Variants in ARID1B observed in about 807,000 individuals in gnomAD.
The protein encoded by ARID1B is AT-rich interactive domain-containing protein 1B.
Under a neutral mutation model 212.3 loss-of-function variants are expected in ARID1B, and 30 were observed. The ratio of observed to expected loss-of-function variants is 0.14; its 90% CI spans 0.11 to 0.19. The LOEUF (loss-of-function observed/expected upper bound fraction) is 0.19, where lower values mean the gene tolerates loss of function less well. Among genes scored for constraint, ARID1B ranks in the 10% least tolerant of loss-of-function variants. The pLI is 1.00. For synonymous variants in ARID1B, 1,402 were observed against 1,301.7 expected, an observed-to-expected ratio of 1.08 and a Z score of -1.66; for missense variants, 2,891 against 3,204.0, an observed-to-expected ratio of 0.90 and a Z score of 2.36.
intron 4 of ARID1B, chr6:157,023,118 TTTAAA>T (rs1333123976): frequency 1.3e-5 from 2 of 152,384 alleles, no homozygotes; most frequent in East Asian, 1.9e-4. Flanking sequence ...CCAGTTACAG[TTTAAA>T]TTAAGTTGAA....
chr6:156,900,977 C>T (rs1340975886), intron 2 of ARID1B, among the ~76,000 whole-genome samples: 4 of 152,194 alleles, frequency 2.6e-5, no homozygotes. Context: ...CACAGGCCTT[C>T]TGTAAAGTAT....
In ARID1B at chr6:156,990,167, C is replaced by T. The variant is rs1001374746; in HGVS notation, c.2247+54591C>T. Among the ~76,000 whole-genome samples the T allele has an allele frequency of 6.5e-4, 89 of 137,968 alleles. No homozygotes were observed. In the East Asian group the frequency reaches 0.016, roughly 24 times the overall value. 90.5% of individuals were successfully genotyped at this position (137,968 alleles called of 152,430 possible). On this transcript the variant is annotated intron_variant, in intron 4 of 19. Coordinates refer to ENST00000636930, the MANE Select transcript of ARID1B (RefSeq NM_001374828.1). ...AATGGACTGGTTACAGAACAGATTT[C>T]CTTAACTTTTTTTTTTTTTTTTTTT...
chr6:156,813,223 C>T (rs1304634506), intron 1 of ARID1B, among the ~76,000 whole-genome samples: 3 of 151,136 alleles, frequency 2.0e-5, no homozygotes, highest in African/African-American at 7.3e-5. Flanking sequence ...CCTGACTCAG[C>T]CTCCCGAGTA....
At chr6:156,855,453 C>T (rs1450580967) in intron 2 of ARID1B, among the ~76,000 whole-genome samples, 4 of 152,216 alleles carry the variant, frequency 2.6e-5, no homozygotes, top group Non-Finnish European at 4.4e-5. Flanking sequence ...ACTGCAGGCC[C>T]GTCCACTTTG....
rs558317363 is a variant in ARID1B, at chr6:156,850,473, CATAA to C, written c.1986+21053_1986+21056del. 5.3e-5 allele frequency among the ~76,000 whole-genome samples: 8 copies of C among 152,140 alleles called. No homozygotes were observed. The East Asian group carries it at 1.5e-3, about 29-fold the overall frequency. ...TTTGTAGGCTATGCCACTTTTAAGA[CATAA>C]GTGCCTAAAAGGATGAAAAGTAATA... On this transcript the variant is annotated intron_variant, in intron 2 of 19. Coordinates refer to ENST00000636930, the MANE Select transcript of ARID1B (RefSeq NM_001374828.1).
chr6:156,817,367 G>C (rs947321589), intron 1 of ARID1B, among the ~76,000 whole-genome samples: 1 of 151,918 alleles, frequency 6.6e-6, no homozygotes, highest in African/African-American at 2.4e-5. Flanking sequence ...CTGATGTTGT[G>C]ACTCACACCC....
chr6:156,889,157 C>T (rs1033264368), intron 2 of ARID1B, among the ~76,000 whole-genome samples: 7 of 152,166 alleles, frequency 4.6e-5, no homozygotes, highest in Admixed American at 6.5e-5. Context: ...TCTTAGGCAA[C>T]CCTCCTACCA....
intron 8 of ARID1B, 54 bp from the exon 9 acceptor site, chr6:157,166,986 C>A (rs2128289842): frequency 6.3e-7 from 1 of 1,585,534 alleles, no homozygotes; most frequent in South Asian, 1.1e-5. Flanking sequence ...CCAGGGCAAA[C>A]CACTGCTAAT....
intron 4 of ARID1B, among the ~76,000 whole-genome samples, chr6:157,015,222 G>A (rs1202852312): frequency 1.3e-5 from 2 of 152,216 alleles, no homozygotes; most frequent in East Asian, 3.8e-4. Context: ...TCTGATTGGA[G>A]CAATACAAGG....
chr6:157,151,726 T>TTGGTAGTTAG (rs1382198335), intron 8 of ARID1B: 1 of 152,254 alleles, frequency 6.6e-6, no homozygotes, highest in Non-Finnish European at 1.5e-5. Context: ...TTAATCATGT[T>TTGGTAGTTAG]TGGTAGTTAG....
chr6:156,781,657 A>G (rs975319020), intron 1 of ARID1B, among the ~76,000 whole-genome samples: 15 of 152,076 alleles, frequency 9.9e-5, no homozygotes, highest in African/African-American at 3.6e-4. Context: ...TTTTAAGGAT[A>G]ATAGATTTTT....
At chr6:156,793,354 T>C (rs1415201280) in intron 1 of ARID1B, among the ~76,000 whole-genome samples, 2 of 152,110 alleles carry the variant, frequency 1.3e-5, no homozygotes, top group Non-Finnish European at 1.5e-5. Context: ...GGATTTTTTT[T>C]CCTTTTCTTT....
intron 1 of ARID1B, among the ~76,000 whole-genome samples, chr6:156,785,414 A>G (rs1271289185): frequency 1.3e-5 from 2 of 152,252 alleles, no homozygotes; most frequent in Non-Finnish European, 2.9e-5. Flanking sequence ...ATTCCTTATC[A>G]GGTGACTCTG....
intron 1 of ARID1B, among the ~76,000 whole-genome samples, chr6:156,802,702 T>G (rs746075412): frequency 6.6e-6 from 1 of 152,236 alleles, no homozygotes; most frequent in Non-Finnish European, 1.5e-5. Flanking sequence ...CCAAAACAGA[T>G]GTGCCATACA....
intron 2 of ARID1B, among the ~76,000 whole-genome samples, chr6:156,845,613 G>A (rs1441701610): frequency 6.6e-6 from 1 of 152,008 alleles, no homozygotes; most frequent in African/African-American, 2.4e-5. Context: ...CCCTTCTTTG[G>A]TATGTCACTG....
intron 5 of ARID1B, among the ~76,000 whole-genome samples, chr6:157,087,158 C>T (rs915013452): frequency 3.3e-5 from 5 of 152,272 alleles, no homozygotes; most frequent in Admixed American, 1.3e-4. Context: ...GCAAAAGCTC[C>T]ACCTTTTTTT....
In ARID1B at chr6:156,778,178, GCACCACCACCACCACCATGCCCACCAC is replaced by G. The variant is rs1234893556; in HGVS notation, c.510_536del (p.His171_His179del). 7.8e-6 allele frequency: 12 copies of G among 1,540,204 alleles called. No individual in the cohort carries two copies. Among genetic ancestry groups the G allele is most frequent in the Non-Finnish European group, 1.0e-5 (12 of 1,145,842 alleles). On this transcript the variant is annotated inframe_deletion, in exon 1 of 20. Transcript: ENST00000636930. ...CCCCCGCCGCGCCGCCCCACCAGCA[GCACCACCACCACCACCATGCCCACCAC>G]CACCACCACCATGCCCACCACCTCC...
At chr6:157,125,461 C>T (rs574142582) in intron 6 of ARID1B, among the ~76,000 whole-genome samples, 2 of 152,182 alleles carry the variant, frequency 1.3e-5, no homozygotes, top group African/African-American at 4.8e-5. Flanking sequence ...CAGCTGAATG[C>T]AGGAACTTTA....
At position 157,206,010 on chromosome 6, in the gene ARID1B, G is replaced by T; in HGVS notation, c.5395-157G>T. On this transcript the variant is annotated intron_variant, in intron 19 of 19. Coordinates refer to ENST00000636930, the MANE Select transcript of ARID1B (RefSeq NM_001374828.1). The surrounding 1 kb of genome is among the most constrained non-coding windows in gnomAD (Gnocchi z 6.8). ...TCAGGAAGTTCGCTGGACCTGAAGG[G>T]TAGTTTATCTTTCATGGTCCAGCCA... 1 of 789,758 alleles carries T rather than the reference G, an allele frequency of 1.3e-6. No homozygotes were observed. Among genetic ancestry groups the T allele is most frequent in the Non-Finnish European group, 2.1e-6 (1 of 486,676 alleles). 48.9% of individuals were successfully genotyped at this position (789,758 alleles called of 1,614,324 possible). A position where few individuals can be genotyped will look rare whatever the true frequency, so the allele number is the denominator to read the frequency against.
Sources: allele counts gnomAD v4.1 joint callset (sites outside exome capture counted in the v4.1 genomes callset), GRCh38; gene constraint gnomAD v4.1.1; non-coding constraint Gnocchi (gnomAD v3.1); transcripts MANE v1.5; gene names NCBI Gene and HGNC (gene_info 2026-07-23, HGNC 2026-07-21).